CADPS2: variants seen among roughly 807,000 people sequenced by gnomAD.
The protein encoded by CADPS2 is calcium-dependent secretion activator 2.
CADPS2 carries 93 observed loss-of-function variants against 172.5 expected under a neutral mutation model. That is an observed-to-expected ratio of 0.54 (90% CI 0.46 to 0.64). The LOEUF (loss-of-function observed/expected upper bound fraction) is 0.64, where lower values mean the gene tolerates loss of function less well. CADPS2 is among the 30% of genes least tolerant of loss of function. The pLI is 0.00. For synonymous variants in CADPS2, 546 were observed against 555.2 expected (o/e 0.98, Z 0.23); for missense variants, 1,420 against 1,565.9 (o/e 0.91, Z 1.57).
chr7:122,638,909 G>T (rs1476779464), intron 3 of CADPS2, among the ~76,000 whole-genome samples: 1 of 152,124 alleles, frequency 6.6e-6, no homozygotes, highest in Non-Finnish European at 1.5e-5. Flanking sequence ...ATGTTTACTC[G>T]TCACTATTTC....
At chr7:122,883,114 C>T (rs1585149096) in intron 1 of CADPS2, among the ~76,000 whole-genome samples, 1 of 152,130 alleles carries the variant, frequency 6.6e-6, no homozygotes, top group African/African-American at 2.4e-5. Context: ...GTGTTTAATG[C>T]TACTAAGCTT....
At chr7:122,678,456 T>C (rs1422447584) in intron 2 of CADPS2, among the ~76,000 whole-genome samples, 2 of 152,202 alleles carry the variant, frequency 1.3e-5, no homozygotes, top group African/African-American at 4.8e-5. Context: ...ATTACTCAAA[T>C]TAATCTCTCA....
intron 16 of CADPS2, among the ~76,000 whole-genome samples, chr7:122,441,268 T>A (rs1339145889): frequency 2.0e-5 from 3 of 152,088 alleles, no homozygotes; most frequent in Non-Finnish European, 4.4e-5. Flanking sequence ...GGAAAAATGA[T>A]TACTACCAAA....
intron 6 of CADPS2, among the ~76,000 whole-genome samples, chr7:122,582,539 G>T (rs745867944): frequency 1.4e-4 from 21 of 151,792 alleles, no homozygotes; most frequent in South Asian, 4.1e-4. Context: ...GAGACTTTTT[G>T]CAATTTCATA....
chr7:122,350,486 G>A (rs2038379858), intron 27 of CADPS2, among the ~76,000 whole-genome samples: 1 of 152,088 alleles, frequency 6.6e-6, no homozygotes, highest in Non-Finnish European at 1.5e-5. Flanking sequence ...GTTTAAATAA[G>A]TTATATGTTC....
chr7:122,798,000 GTTTT>G (rs200067009), intron 1 of CADPS2, among the ~76,000 whole-genome samples: 1 of 146,352 alleles, frequency 6.8e-6, no homozygotes, highest in South Asian at 2.2e-4. Flanking sequence ...TTTTGTGCAG[GTTTT>G]TTTTTTCAAT....
chr7:122,630,795 A>C (rs2076502892), intron 3 of CADPS2, among the ~76,000 whole-genome samples: 1 of 152,142 alleles, frequency 6.6e-6, no homozygotes, highest in Admixed American at 6.6e-5. Flanking sequence ...AAGGCCTGAG[A>C]TTACCTGTCT....
chr7:122,453,818 A>G (rs1435266656), intron 14 of CADPS2, among the ~76,000 whole-genome samples: 2 of 152,188 alleles, frequency 1.3e-5, no homozygotes, highest in African/African-American at 4.8e-5. Context: ...TCAGGTGATG[A>G]CAAGTGAGAA....
chr7:122,372,762 T>TATTTAG (rs2041921249), intron 25 of CADPS2, among the ~76,000 whole-genome samples: 1 of 152,216 alleles, frequency 6.6e-6, no homozygotes, highest in African/African-American at 2.4e-5. Context: ...TAGTAACAGT[T>TATTTAG]AATATAGAAA....
intron 2 of CADPS2, among the ~76,000 whole-genome samples, chr7:122,691,144 C>A (rs1311729341): frequency 6.6e-6 from 1 of 152,230 alleles, no homozygotes; most frequent in Non-Finnish European, 1.5e-5. Flanking sequence ...CGGGGAGTCA[C>A]TACCCATGAA....
At chr7:122,533,215 CAAT>C (rs1586926018) in intron 8 of CADPS2, among the ~76,000 whole-genome samples, 1 of 151,834 alleles carries the variant, frequency 6.6e-6, no homozygotes, top group Non-Finnish European at 1.5e-5. Flanking sequence ...TAGATAAAAC[CAAT>C]AATATCTTTA....
At chr7:122,353,471 T>C (rs148909028) in intron 27 of CADPS2, among the ~76,000 whole-genome samples, 2,662 of 152,228 alleles carry the variant, frequency 0.017, 44 homozygotes, top group Non-Finnish European at 0.028. Context: ...TCCTTCCTCA[T>C]TGTTTTGGTC....
intron 15 of CADPS2, among the ~76,000 whole-genome samples, chr7:122,443,324 A>G (rs1474770851): frequency 1.3e-5 from 2 of 152,252 alleles, no homozygotes; most frequent in Non-Finnish European, 2.9e-5. Flanking sequence ...AATCTTTACA[A>G]AACAAGTTTT....
At chr7:122,357,055 A>G (rs1353263924) in intron 27 of CADPS2, among the ~76,000 whole-genome samples, 1 of 152,208 alleles carries the variant, frequency 6.6e-6, no homozygotes, top group Non-Finnish European at 1.5e-5. Context: ...ATGCATATAC[A>G]TATATCTAAA....
intron 11 of CADPS2, among the ~76,000 whole-genome samples, chr7:122,482,697 A>T (rs1273977080): frequency 1.3e-5 from 2 of 152,186 alleles, no homozygotes. Flanking sequence ...TCTATAGCCC[A>T]TGGCACAAGC....
chr7:122,653,740 A>C (rs552477118), intron 3 of CADPS2, among the ~76,000 whole-genome samples: 2 of 152,010 alleles, frequency 1.3e-5, no homozygotes, highest in African/African-American at 4.8e-5. Flanking sequence ...CATTGTTATT[A>C]TATCTGTTAA....
intron 5 of CADPS2, among the ~76,000 whole-genome samples, chr7:122,620,200 G>A (rs186319262): frequency 4.1e-4 from 63 of 152,302 alleles, no homozygotes; most frequent in African/African-American, 1.2e-3. Context: ...GGAACCAGCA[G>A]AGAGGATAAA....
intron 9 of CADPS2, among the ~76,000 whole-genome samples, chr7:122,494,373 C>T (rs76245249): frequency 0.03 from 4,515 of 152,044 alleles, 193 homozygotes; most frequent in African/African-American, 0.1. Flanking sequence ...TGCATATAAG[C>T]GGTTTGGTTA....
chr7:122,746,800 T>A (rs2092737299), intron 1 of CADPS2, among the ~76,000 whole-genome samples: 1 of 152,186 alleles, frequency 6.6e-6, no homozygotes, highest in Non-Finnish European at 1.5e-5. Flanking sequence ...TGATTCTAGG[T>A]CTTCATTCAC....
Sources: gnomAD v4.1 joint callset for allele counts (sites outside exome capture counted in the v4.1 genomes callset) on GRCh38, gnomAD v4.1.1 for gene constraint, MANE v1.5 for transcripts, NCBI Gene and HGNC (gene_info 2026-07-23, HGNC 2026-07-21) for gene names.